Variants in CNTN4 observed in about 807,000 individuals in gnomAD.
CNTN4 encodes contactin-4.
In CNTN4, 77 loss-of-function variants were observed where a neutral mutation model predicts 122.5. The ratio of observed to expected loss-of-function variants is 0.63; its 90% CI spans 0.52 to 0.76. The LOEUF is 0.76. Ranked by LOEUF, CNTN4 falls within the 30% of genes least tolerant of loss-of-function variation. The pLI, the probability that CNTN4 is intolerant of heterozygous loss-of-function variation, is 0.00. For missense variants in CNTN4, 1,256 were observed against 1,259.1 expected, an observed-to-expected ratio of 1.00 and a Z score of 0.04; for synonymous variants, 512 against 447.0, an observed-to-expected ratio of 1.15 and a Z score of -1.83.
At chr3:2,767,248 T>C (rs2090902691) in intron 6 of CNTN4, among the ~76,000 whole-genome samples, 1 of 152,180 alleles carries the variant, frequency 6.6e-6, no homozygotes, top group Non-Finnish European at 1.5e-5. Flanking sequence ...TGCTTTCCTT[T>C]TGGAAGTGAT....
At position 2,298,548 on chromosome 3, in the gene CNTN4, G is replaced by A. The variant is rs541033399; in HGVS notation, c.-144-40630G>A. Reference sequence around the variant, plus strand: ...CTCTTGCCTCTTTCTTAGTCTCTCCGTCCATATATCTCTCCTTTTCTCTCA... The same window carrying A: ...CTCTTGCCTCTTTCTTAGTCTCTCCATCCATATATCTCTCCTTTTCTCTCA... On this transcript the variant is annotated intron_variant, in intron 2 of 24. Coordinates refer to ENST00000418658, the MANE Select transcript of CNTN4 (RefSeq NM_175607.3). Among the ~76,000 whole-genome samples the A allele has an allele frequency of 1.3e-4, 20 of 151,944 alleles. No individual in the cohort carries two copies. In the East Asian group the frequency reaches 2.9e-3, roughly 22 times the overall value.
intron 2 of CNTN4, among the ~76,000 whole-genome samples, chr3:2,328,228 A>T (rs1019890417): frequency 2.6e-4 from 40 of 151,932 alleles, no homozygotes; most frequent in Non-Finnish European, 4.7e-4. Context: ...ACACGGTGAA[A>T]CCCCGTCTCT....
chr3:2,357,422 A>G (rs2044919393), intron 3 of CNTN4, among the ~76,000 whole-genome samples: 1 of 152,326 alleles, frequency 6.6e-6, no homozygotes, highest in African/African-American at 2.4e-5. Context: ...TGTCGATTCC[A>G]TGCTGTTTTG....
At position 2,850,625 on chromosome 3, in the gene CNTN4, T is replaced by A. The variant is rs923416386; in HGVS notation, c.455-16127T>A. The stretch of plus-strand genomic sequence containing the variant: ...TTCAAAACTCCCCCGCAGGTTTCCT[T>A]ATTTATCATTTATCTAGATGAATTC... On this transcript the variant is annotated intron_variant, in intron 7 of 24. Transcript: ENST00000418658. Among the ~76,000 whole-genome samples the A allele has an allele frequency of 7.9e-5, 12 of 152,152 alleles. 1 individual carries two copies. Among genetic ancestry groups the A allele is most frequent in the Admixed American group, 3.3e-4 (5 of 15,282 alleles).
At chr3:2,421,310 T>G (rs2047609078) in intron 3 of CNTN4, among the ~76,000 whole-genome samples, 2 of 150,174 alleles carry the variant, frequency 1.3e-5, no homozygotes, top group Non-Finnish European at 3.0e-5. Flanking sequence ...TGGAGTGCAG[T>G]GGCGTGATCT....
At chr3:2,532,518 T>C (rs2077635669) in intron 3 of CNTN4, among the ~76,000 whole-genome samples, 1 of 152,194 alleles carries the variant, frequency 6.6e-6, no homozygotes, top group African/African-American at 2.4e-5. Context: ...ACTCTGTATT[T>C]TTGAAAATCA....
At chr3:2,667,036 T>C (rs1348860569) in intron 4 of CNTN4, among the ~76,000 whole-genome samples, 1 of 152,160 alleles carries the variant, frequency 6.6e-6, no homozygotes, top group Non-Finnish European at 1.5e-5. Flanking sequence ...TTGTGAATCA[T>C]GTCTCAATAA....
Position 3,042,389 on chromosome 3 carries a change from G to T in CNTN4, c.2478G>T (p.Leu826=). The T allele has an allele frequency of 1.9e-6, 3 of 1,613,632 alleles. No homozygotes were observed. The highest frequency in any genetic ancestry group is 2.5e-6 in the Non-Finnish European group (3 of 1,179,546). The change falls in exon 21 of 25, where the codon CTG becomes CTT. Residue 826 remains leucine (L), a synonymous_variant. Transcript: ENST00000418658. ...TTGAAGTTTTCTGGGCCTCCCCACTGGAGAAGAATAGAGGACGAATACAAG... is the reference window on the plus strand; with the variant it reads ...TTGAAGTTTTCTGGGCCTCCCCACTTGAGAAGAATAGAGGACGAATACAAG... ...TDIEVFWASP[L]EKNRGRIQGY...
chr3:2,726,816 G>T (rs2088259009), intron 4 of CNTN4, among the ~76,000 whole-genome samples: 1 of 152,108 alleles, frequency 6.6e-6, no homozygotes, highest in Admixed American at 6.6e-5. Flanking sequence ...ACCCTGATGT[G>T]AACTGTGGGC....
intron 3 of CNTN4, among the ~76,000 whole-genome samples, chr3:2,430,616 C>CAAAAAA (rs10662868): frequency 9.7e-6 from 1 of 103,346 alleles, no homozygotes; most frequent in Non-Finnish European, 1.9e-5. Context: ...AGCAAATTAC[C>CAAAAAA]AAAAAAAAAA....
At chr3:2,918,993 C>T (rs2094398973) in intron 12 of CNTN4, among the ~76,000 whole-genome samples, 1 of 152,064 alleles carries the variant, frequency 6.6e-6, no homozygotes. Context: ...TTTTATAATA[C>T]ACAAAAGGGA....
chr3:2,256,895 A>T (rs932949110), intron 2 of CNTN4, among the ~76,000 whole-genome samples: 1 of 152,222 alleles, frequency 6.6e-6, no homozygotes, highest in African/African-American at 2.4e-5. Context: ...TGCTATCCCC[A>T]TCAAGCCACC....
intron 14 of CNTN4, among the ~76,000 whole-genome samples, chr3:3,016,630 T>C (rs1289854272): frequency 6.6e-6 from 1 of 152,212 alleles, no homozygotes; most frequent in Non-Finnish European, 1.5e-5. Context: ...ACCAAGAGCA[T>C]TCGAGCATCA....
chr3:2,131,893 A>G (rs1382041328), intron 2 of CNTN4, among the ~76,000 whole-genome samples: 1 of 152,140 alleles, frequency 6.6e-6, no homozygotes, highest in Non-Finnish European at 1.5e-5. Context: ...GCAACAGTAC[A>G]TCTCCCAATT....
chr3:2,158,518 C>G (rs1273126225), intron 2 of CNTN4, among the ~76,000 whole-genome samples: 1 of 152,136 alleles, frequency 6.6e-6, no homozygotes, highest in Non-Finnish European at 1.5e-5. Flanking sequence ...ATGGTTGGGC[C>G]GGATGTCCTC....
intron 2 of CNTN4, among the ~76,000 whole-genome samples, chr3:2,247,367 G>T (rs973699454): frequency 6.6e-6 from 1 of 152,006 alleles, no homozygotes. Flanking sequence ...GGTTGGTGTT[G>T]TAAGGAGAGA....
chr3:2,975,338 T>A (rs567673359), intron 13 of CNTN4, among the ~76,000 whole-genome samples: 2 of 152,284 alleles, frequency 1.3e-5, no homozygotes, highest in Admixed American at 6.5e-5. Flanking sequence ...GTAGGAAGGG[T>A]ACAGGCTCTC....
chr3:2,138,650 C>A (rs1262537805), intron 2 of CNTN4, among the ~76,000 whole-genome samples: 1 of 152,150 alleles, frequency 6.6e-6, no homozygotes, highest in African/African-American at 2.4e-5. Context: ...CCTTTCTCTT[C>A]CTGCCTGCTG....
At chr3:2,488,892 T>G (rs1232664803) in intron 3 of CNTN4, among the ~76,000 whole-genome samples, 1 of 152,180 alleles carries the variant, frequency 6.6e-6, no homozygotes, top group Admixed American at 6.5e-5. Context: ...TTATTTAAAT[T>G]GAATGTAGGC....
Sources: allele counts gnomAD v4.1 joint callset (sites outside exome capture counted in the v4.1 genomes callset), GRCh38; gene constraint gnomAD v4.1.1; transcripts MANE v1.5; gene names NCBI Gene and HGNC (gene_info 2026-07-23, HGNC 2026-07-21).